SORCS2: variants seen among roughly 807,000 people sequenced by gnomAD.
The protein encoded by SORCS2 is VPS10 domain-containing receptor SorCS2.
SORCS2 carries 100 observed loss-of-function variants against 141.6 expected under a neutral mutation model. The observed-to-expected ratio is 0.71, with a 90% CI of 0.60 to 0.83. The LOEUF is 0.83. Among genes scored for constraint, SORCS2 ranks in the 40% least tolerant of loss-of-function variants. The pLI is 0.00. For missense variants in SORCS2, 1,646 were observed against 1,560.2 expected, an observed-to-expected ratio of 1.05 and a Z score of -0.93; for synonymous variants, 789 against 676.9, an observed-to-expected ratio of 1.17 and a Z score of -2.57.
intron 9 of SORCS2, among the ~76,000 whole-genome samples, chr4:7,677,050 G>T (rs923350941): frequency 6.6e-6 from 1 of 150,506 alleles, no homozygotes; most frequent in Non-Finnish European, 1.5e-5. Flanking sequence ...TCTCACACTC[G>T]CTTGCTTTCA....
intron 3 of SORCS2, among the ~76,000 whole-genome samples, chr4:7,609,676 G>A (rs183392937): frequency 2.0e-5 from 3 of 152,340 alleles, no homozygotes; most frequent in East Asian, 3.9e-4. Flanking sequence ...CCAGTGTGAC[G>A]GGGAAGGTGG....
intron 1 of SORCS2, among the ~76,000 whole-genome samples, chr4:7,377,298 A>G (rs1266372927): frequency 6.6e-6 from 1 of 151,986 alleles, no homozygotes; most frequent in Non-Finnish European, 1.5e-5. Context: ...GCACCTAGAT[A>G]CAGCTTCGAA....
At chr4:7,552,843 A>G (rs1713816644) in intron 3 of SORCS2, among the ~76,000 whole-genome samples, 1 of 152,144 alleles carries the variant, frequency 6.6e-6, no homozygotes, top group Non-Finnish European at 1.5e-5. Flanking sequence ...GGGCCTCTGG[A>G]GAGAGCTTAT....
At chr4:7,224,291 C>A (rs942575440) in intron 1 of SORCS2, among the ~76,000 whole-genome samples, 1 of 152,234 alleles carries the variant, frequency 6.6e-6, no homozygotes, top group Non-Finnish European at 1.5e-5. Flanking sequence ...CTAGCTTAAT[C>A]CTCCTCAAGT....
At chr4:7,602,760 G>A (rs531253262) in intron 3 of SORCS2, among the ~76,000 whole-genome samples, 1,734 of 152,206 alleles carry the variant, frequency 0.011, 12 homozygotes, top group Middle Eastern at 0.041. Context: ...ACGGGGTGGC[G>A]GCCGGGCAGA....
chr4:7,715,460 G>C, intron 17 of SORCS2, 149 bp downstream of exon 17: 1 of 1,199,630 alleles, frequency 8.3e-7, no homozygotes, highest in Non-Finnish European at 1.1e-6. Flanking sequence ...GATGCCCCAC[G>C]CTCACAGCAC....
At position 7,246,127 on chromosome 4, in the gene SORCS2, T is replaced by C. The variant is rs1047147306; in HGVS notation, c.480+53001T>C. Among the ~76,000 whole-genome samples the C allele has an allele frequency of 5.9e-5, 9 of 152,174 alleles. 1 individual carries two copies. The highest frequency in any genetic ancestry group is 1.7e-4 in the African/African-American group (7 of 41,442). ...TTAGCAGTCATTCCACACTATGCAA[T>C]TTCAGTCCTGGGTGAGTACTGACAG... On this transcript the variant is annotated intron_variant, in intron 1 of 26. Transcript: ENST00000507866.
At chr4:7,241,882 C>T (rs1712723973) in intron 1 of SORCS2, among the ~76,000 whole-genome samples, 1 of 152,186 alleles carries the variant, frequency 6.6e-6, no homozygotes, top group South Asian at 2.1e-4. Flanking sequence ...GCTCCGCAGG[C>T]TGTTTAGCTG....
intron 2 of SORCS2, among the ~76,000 whole-genome samples, chr4:7,426,826 GC>G (rs1265842650): frequency 6.6e-6 from 1 of 152,196 alleles, no homozygotes; most frequent in African/African-American, 2.4e-5. Flanking sequence ...CGGCAGTGAA[GC>G]CCGTGTTTCT....
chr4:7,309,470 C>T (rs1029596847), intron 1 of SORCS2, among the ~76,000 whole-genome samples: 5 of 152,110 alleles, frequency 3.3e-5, no homozygotes, highest in African/African-American at 1.2e-4. Context: ...CTAGTTTGGA[C>T]TTGAGCAGAG....
At position 7,575,288 on chromosome 4, in the gene SORCS2, A is replaced by G. The variant is rs148249472; in HGVS notation, c.648+43659A>G. ...TTCAAAAAGTAAGGAGAAACAGCCA[A>G]AGTTGATTTTAGCAGTATATTTTAT... On this transcript the variant is annotated intron_variant, in intron 3 of 26. Coordinates refer to ENST00000507866, the MANE Select transcript of SORCS2 (RefSeq NM_020777.3). Among the ~76,000 whole-genome samples the G allele has an allele frequency of 9.8e-3, 1,494 of 152,378 alleles. 7 individuals are homozygous for G. Among genetic ancestry groups the G allele is most frequent in the Middle Eastern group, 0.024 (7 of 294 alleles).
intron 1 of SORCS2, among the ~76,000 whole-genome samples, chr4:7,196,674 C>T (rs1234816198): frequency 7.4e-6 from 1 of 134,914 alleles, no homozygotes; most frequent in Non-Finnish European, 1.6e-5. Context: ...TTTTCCAAAT[C>T]TGCTCTGTGC....
chr4:7,332,411 C>T (rs1488718653), intron 1 of SORCS2, among the ~76,000 whole-genome samples: 1 of 152,218 alleles, frequency 6.6e-6, no homozygotes, highest in Non-Finnish European at 1.5e-5. Context: ...AATGTGGTGG[C>T]CCACAGCCAG....
intron 1 of SORCS2, among the ~76,000 whole-genome samples, chr4:7,244,684 C>G (rs1390605972): frequency 2.0e-5 from 3 of 152,230 alleles, no homozygotes; most frequent in African/African-American, 7.2e-5. Flanking sequence ...GCGGTTGCCC[C>G]TACTCTGACA....
At chr4:7,616,284 C>T (rs1470133695) in intron 3 of SORCS2, among the ~76,000 whole-genome samples, 1 of 152,134 alleles carries the variant, frequency 6.6e-6, no homozygotes, top group Non-Finnish European at 1.5e-5. Context: ...AACCCACTCA[C>T]ATATACATAC....
intron 1 of SORCS2, among the ~76,000 whole-genome samples, chr4:7,259,043 T>C (rs2108818507): frequency 6.6e-6 from 1 of 152,346 alleles, no homozygotes. Flanking sequence ...GTCAGATGGA[T>C]AGATTGCAAA....
intron 3 of SORCS2, among the ~76,000 whole-genome samples, chr4:7,602,038 A>G (rs1430019431): frequency 6.6e-6 from 1 of 152,246 alleles, no homozygotes; most frequent in Non-Finnish European, 1.5e-5. Flanking sequence ...TTCTTAGTAC[A>G]GAACAAAATG....
chr4:7,572,858 G>T (rs2109716708), intron 3 of SORCS2, among the ~76,000 whole-genome samples: 1 of 152,336 alleles, frequency 6.6e-6, no homozygotes, highest in East Asian at 1.9e-4. Flanking sequence ...AAGAGGTTAA[G>T]AAATTTTTAT....
chr4:7,633,798 G>C (rs139801116), intron 3 of SORCS2, among the ~76,000 whole-genome samples: 9 of 59,454 alleles, frequency 1.5e-4, no homozygotes, highest in Admixed American at 2.2e-4. Flanking sequence ...TCATGTGTCC[G>C]TCAGGCGGGA....
Sources: gnomAD v4.1 joint callset for allele counts (sites outside exome capture counted in the v4.1 genomes callset) on GRCh38, gnomAD v4.1.1 for gene constraint, MANE v1.5 for transcripts, NCBI Gene and HGNC (gene_info 2026-07-23, HGNC 2026-07-21) for gene names.